Variants in CCDC33 observed in about 807,000 individuals in gnomAD.
CCDC33 encodes the protein coiled-coil domain containing 33.
CCDC33 carries 94 observed loss-of-function variants against 91.9 expected under a neutral mutation model. The ratio of observed to expected loss-of-function variants is 1.02; its 90% CI spans 0.87 to 1.21. The LOEUF (loss-of-function observed/expected upper bound fraction) is 1.21. Ranked by LOEUF, CCDC33 falls within the 50% of genes most tolerant of loss-of-function variation. The pLI, the probability that CCDC33 is intolerant of heterozygous loss-of-function variation, is 0.00. For synonymous variants in CCDC33, 396 were observed against 374.5 expected (o/e 1.06, Z -0.66); for missense variants, 940 against 935.5 (o/e 1.00, Z -0.06).
At chr15:74,261,539 G>A (rs1020672160) in intron 2 of CCDC33, among the ~76,000 whole-genome samples, 1 of 152,172 alleles carries the variant, frequency 6.6e-6, no homozygotes, top group Non-Finnish European at 1.5e-5. Flanking sequence ...GCCTCCCTCC[G>A]CAAGGTGTGT....
intron 1 of CCDC33, among the ~76,000 whole-genome samples, chr15:74,238,291 C>T (rs1253353989): frequency 6.6e-6 from 1 of 151,826 alleles, no homozygotes; most frequent in African/African-American, 2.4e-5. Context: ...ACCTGTAATC[C>T]CAGCTACTCG....
upstream of CCDC33, chr15:74,213,214 TC>T (rs2074384834): frequency 3.1e-5 from 1 of 32,230 alleles, no homozygotes; most frequent in East Asian, 9.7e-4. Flanking sequence ...AGACTCTGTC[TC>T]TAAAAAAAAA....
intron 2 of CCDC33, among the ~76,000 whole-genome samples, chr15:74,258,054 G>C (rs530559789): frequency 6.6e-6 from 1 of 152,366 alleles, no homozygotes; most frequent in African/African-American, 2.4e-5. Flanking sequence ...CACCTTGACA[G>C]CTGGCCTGCA....
chr15:74,282,627 C>T (rs1030194399), intron 10 of CCDC33, among the ~76,000 whole-genome samples: 9 of 152,158 alleles, frequency 5.9e-5, no homozygotes, highest in African/African-American at 1.7e-4. Flanking sequence ...AAACATAATC[C>T]CAGGAGTGAT....
chr15:74,330,808 G>A, intron 13 of CCDC33, 57 bp downstream of exon 13: 1 of 1,545,848 alleles, frequency 6.5e-7, no homozygotes, highest in Non-Finnish European at 8.9e-7. Context: ...GAGCATCGGG[G>A]TGAGAAGAGT....
At chr15:74,306,738 G>A (rs1479752387) in intron 11 of CCDC33, among the ~76,000 whole-genome samples, 1 of 152,212 alleles carries the variant, frequency 6.6e-6, no homozygotes, top group East Asian at 1.9e-4. Context: ...CTAGAGGACT[G>A]GTCAAGTCAG....
intron 1 of CCDC33, chr15:74,207,811 T>A: frequency 2.0e-6 from 3 of 1,535,316 alleles, no homozygotes; most frequent in Non-Finnish European, 2.6e-6. Context: ...CACACACACA[T>A]CCAACTGCCC....
Position 74,266,803 on chromosome 15 carries a change from G to A in CCDC33, c.429+16G>A. 1 of 1,591,862 alleles carries A rather than the reference G, an allele frequency of 6.3e-7. No individual in the cohort carries two copies. Among genetic ancestry groups the A allele is most frequent in the Non-Finnish European group, 8.6e-7 (1 of 1,159,838 alleles). On this transcript the variant is annotated intron_variant, in intron 4 of 18. Coordinates refer to ENST00000398814, the MANE Select transcript of CCDC33 (RefSeq NM_025055.5). ...GCTGGTGAAGGTGAGTCAGAGGCCT[G>A]GGGAAGTGCCGGGAGAGCAGGTGGG...
At chr15:74,220,498 A>G (rs1408113648) in intron 2 of CCDC33, among the ~76,000 whole-genome samples, 1 of 152,210 alleles carries the variant, frequency 6.6e-6, no homozygotes, top group East Asian at 1.9e-4. Context: ...TGAACTCGGA[A>G]GAAGCTGTCC....
intron 10 of CCDC33, among the ~76,000 whole-genome samples, chr15:74,283,656 C>T (rs1414530018): frequency 6.6e-6 from 1 of 152,156 alleles, no homozygotes; most frequent in East Asian, 1.9e-4. Context: ...CTCCTTCCCC[C>T]AACCCCCTCC....
chr15:74,216,012 T>C (rs1464064783), upstream of CCDC33, among the ~76,000 whole-genome samples: 2 of 152,184 alleles, frequency 1.3e-5, no homozygotes, highest in Non-Finnish European at 2.9e-5. Context: ...TGGGCCCTGC[T>C]TGCAGGGGAT....
At chr15:74,270,375 G>T (rs1334525863) in intron 5 of CCDC33, among the ~76,000 whole-genome samples, 1 of 152,200 alleles carries the variant, frequency 6.6e-6, no homozygotes, top group Non-Finnish European at 1.5e-5. Flanking sequence ...AAATAAGAGG[G>T]GTAAGTGGCA....
chr15:74,256,631 G>A (rs908797406), intron 2 of CCDC33, among the ~76,000 whole-genome samples: 1 of 152,178 alleles, frequency 6.6e-6, no homozygotes, highest in Non-Finnish European at 1.5e-5. Context: ...TATGCCACAG[G>A]ACAGGACACG....
chr15:74,208,804 A>G (rs911842680), intron 1 of CCDC33: 76 of 988,352 alleles, frequency 7.7e-5, no homozygotes, highest in Admixed American at 1.2e-4. Flanking sequence ...GCCTACCTCC[A>G]ATCAAGCGCT....
chr15:74,277,781 C>T (rs1369876489), intron 7 of CCDC33, among the ~76,000 whole-genome samples: 3 of 152,194 alleles, frequency 2.0e-5, no homozygotes, highest in Admixed American at 6.5e-5. Context: ...AAGGGCTGTT[C>T]CTTATTGGGC....
intron 13 of CCDC33, 77 bp from the exon 14 acceptor site, chr15:74,330,904 G>T: frequency 6.5e-7 from 1 of 1,529,792 alleles, no homozygotes; most frequent in Non-Finnish European, 8.9e-7. Flanking sequence ...CAGCAGAGGG[G>T]CCGAGGTGGA....
At position 74,236,644 on chromosome 15, in the gene CCDC33, T is replaced by G. The variant is rs351175; in HGVS notation, c.-76T>G. 0.68 allele frequency: 965,669 copies of G among 1,420,770 alleles called. 335,184 individuals carry two copies. Among genetic ancestry groups the G allele is most frequent in the Non-Finnish European group, 0.72 (727,688 of 1,010,960 alleles). 88.0% of individuals were successfully genotyped at this position (1,420,770 alleles called of 1,614,324 possible). A position where few individuals can be genotyped will look rare whatever the true frequency, so the allele number is the denominator to read the frequency against. ...GGCCAGCTGTCTGGGCAGGACTGAT[T>G]CCTGATCACCCACTGATACCAAGTA... On this transcript the variant is annotated 5_prime_UTR_variant, in exon 1 of 19. It adds an upstream start codon to the 5' untranslated region. Coordinates refer to ENST00000398814, the MANE Select transcript of CCDC33 (RefSeq NM_025055.5).
intron 2 of CCDC33, among the ~76,000 whole-genome samples, chr15:74,210,914 C>T (rs993372216): frequency 4.6e-5 from 7 of 152,152 alleles, no homozygotes; most frequent in Non-Finnish European, 1.0e-4. Flanking sequence ...CTCAGGCAGC[C>T]ATCTTGGACT....
chr15:74,264,958 CCCTTCT>C (rs749284780), intron 3 of CCDC33, among the ~76,000 whole-genome samples: 2 of 152,192 alleles, frequency 1.3e-5, no homozygotes, highest in Non-Finnish European at 2.9e-5. Flanking sequence ...ACCTCAATCT[CCCTTCT>C]TCAAGCCAAC....
Sources: gnomAD v4.1 joint callset for allele counts (sites outside exome capture counted in the v4.1 genomes callset) on GRCh38, gnomAD v4.1.1 for gene constraint, MANE v1.5 for transcripts, NCBI Gene and HGNC (gene_info 2026-07-23, HGNC 2026-07-21) for gene names.